Variants in INSR observed in about 807,000 individuals in gnomAD.
The protein encoded by INSR is insulin receptor.
A neutral mutation model predicts 142.6 loss-of-function variants in INSR; 67 were observed. That is an observed-to-expected ratio of 0.47 (90% confidence interval 0.39 to 0.58). The LOEUF (loss-of-function observed/expected upper bound fraction) is 0.58. INSR is among the 20% of genes least tolerant of loss of function. INSR has a pLI of 0.00. For missense variants in INSR, 1,248 were observed against 1,833.2 expected (o/e 0.68, Z 5.83); for synonymous variants, 756 against 743.1 (o/e 1.02, Z -0.28).
Position 7,168,334 on chromosome 19 carries a change from A to G in INSR, c.1484-240T>C, listed in dbSNP as rs1395533018. On this transcript the variant is annotated intron_variant, in intron 6 of 21. Coordinates refer to ENST00000302850, the MANE Select transcript of INSR (RefSeq NM_000208.4). This position sits in a 1 kb window ranked among gnomAD's most constrained non-coding sequence, Gnocchi z 4.3. ...TAAGCCAATGACTTGACTCAGCCAG[A>G]CAGTCAACTGAATAAGCGCAGTCTG... 6.6e-6 allele frequency among the ~76,000 whole-genome samples: 1 copy of G among 152,168 alleles called. No homozygotes were observed. The highest frequency in any genetic ancestry group is 2.4e-5 in the African/African-American group (1 of 41,456).
chr19:7,206,824 G>GT (rs1403586552), intron 2 of INSR, among the ~76,000 whole-genome samples: 3 of 152,118 alleles, frequency 2.0e-5, no homozygotes, highest in Non-Finnish European at 4.4e-5. Context: ...GTGACACGCT[G>GT]TTTTTCTAAA....
chr19:7,149,790 C>A (rs1323478365), intron 11 of INSR, among the ~76,000 whole-genome samples: 4 of 149,338 alleles, frequency 2.7e-5, no homozygotes, highest in Non-Finnish European at 5.9e-5. Context: ...CCACTGCACT[C>A]TAGCCTGGGC....
In INSR at chr19:7,159,705, G is replaced by A. The variant is rs1301440881; in HGVS notation, c.2029+3327C>T. The A allele has an allele frequency of 1.3e-5, 2 of 152,178 alleles. No individual in the cohort carries two copies. The highest frequency in any genetic ancestry group is 4.8e-5 in the African/African-American group (2 of 41,428). The allele number at this position is 152,178 out of a possible 1,614,324, so 9.4% of individuals were successfully genotyped here. A position where few individuals can be genotyped will look rare whatever the true frequency, so the allele number is the denominator to read the frequency against. ...ACGTTTGCAACCCTCGGCTCAGGCG[G>A]GGATGATGTCACACACATACATATA... On this transcript the variant is annotated intron_variant, in intron 9 of 21. Coordinates refer to ENST00000302850, the MANE Select transcript of INSR (RefSeq NM_000208.4). The surrounding 1 kb of genome is among the most constrained non-coding windows in gnomAD (Gnocchi z 4.3).
Position 7,267,241 on chromosome 19 carries a change from G to A in INSR, c.652+104C>T, listed in dbSNP as rs1440432989. 18 of 1,227,348 alleles carry A rather than the reference G, an allele frequency of 1.5e-5. No individual in the cohort carries two copies. Among genetic ancestry groups the A allele is most frequent in the Admixed American group, 3.6e-5 (2 of 55,722 alleles). The allele number at this position is 1,227,348 out of a possible 1,614,324, so 76.0% of individuals were successfully genotyped here. A position where few individuals can be genotyped will look rare whatever the true frequency, so the allele number is the denominator to read the frequency against. ...TGAATGCCACCACCCACTATTCCCC[G>A]GCCCCTACCTAATGACCATTTAACA... is the stretch of plus-strand genomic sequence containing the variant. On this transcript the variant is annotated intron_variant, in intron 2 of 21. Coordinates refer to ENST00000302850, the MANE Select transcript of INSR (RefSeq NM_000208.4). This position sits in a 1 kb window ranked among gnomAD's most constrained non-coding sequence, Gnocchi z 6.3.
intron 2 of INSR, among the ~76,000 whole-genome samples, chr19:7,227,838 ATGT>A (rs1975837944): frequency 6.6e-6 from 1 of 152,166 alleles, no homozygotes. Context: ...GAACACTGAT[ATGT>A]ATCCTCAATG....
At chr19:7,223,197 A>G (rs1975675369) in intron 2 of INSR, among the ~76,000 whole-genome samples, 1 of 151,780 alleles carries the variant, frequency 6.6e-6, no homozygotes, top group South Asian at 2.1e-4. Flanking sequence ...ACAAACAAAC[A>G]AAAAAAACCA....
chr19:7,235,459 A>G (rs982505096), intron 2 of INSR, among the ~76,000 whole-genome samples: 3 of 152,226 alleles, frequency 2.0e-5, no homozygotes, highest in East Asian at 1.9e-4. Context: ...GTCTGGCGCT[A>G]GAGCTTACGG....
intron 1 of INSR, among the ~76,000 whole-genome samples, chr19:7,268,812 C>T (rs1967819018): frequency 6.6e-6 from 1 of 152,098 alleles, no homozygotes. Flanking sequence ...TATCTTTTGG[C>T]TGGCGAAGTG....
chr19:7,119,565 A>G lies in INSR; in HGVS notation c.3678T>C (p.Leu1226=). 6.2e-7 allele frequency: 1 copy of G among 1,614,110 alleles called. No individual in the cohort carries two copies. Among genetic ancestry groups the G allele is most frequent in the Non-Finnish European group, 8.5e-7 (1 of 1,180,022 alleles). The change falls in exon 21 of 22, where the codon CTT becomes CTC. Residue 1226 remains leucine, a synonymous_variant. Transcript: ENST00000302850. The surrounding 1 kb of genome is among the most constrained non-coding windows in gnomAD (Gnocchi z 5.2). ...SSDMWSFGVV[L]WEITSLAEQP... ...GTTCTGCCAAGCTGGTGATTTCCCA[A>G]AGGACCACGCCAAAGGACCTGCCGA...
intron 2 of INSR, among the ~76,000 whole-genome samples, chr19:7,254,662 A>G (rs77756066): frequency 0.018 from 2,816 of 152,352 alleles, 45 homozygotes; most frequent in Non-Finnish European, 0.027. Flanking sequence ...GCACGGTTCT[A>G]TCTGACACAG....
chr19:7,207,901 A>AAAGGAAGGAAGGAAAGGAAGGAAGGAAGG (rs1975149705), intron 2 of INSR, among the ~76,000 whole-genome samples: 1 of 72,746 alleles, frequency 1.4e-5, no homozygotes, highest in Admixed American at 1.8e-4. Context: ...GGAAGGAAGG[A>AAAGGAAGGAAGGAAAGGAAGGAAGGAAGG]AAGGAAGGAA....
intron 15 of INSR, 84 bp from the exon 16 acceptor site, chr19:7,126,735 A>G: frequency 1.6e-6 from 2 of 1,222,230 alleles, no homozygotes; most frequent in Non-Finnish European, 2.4e-6. Context: ...TCCCCAAGGC[A>G]AATGGCAGCC....
At chr19:7,255,856 G>T (rs1976873513) in intron 2 of INSR, among the ~76,000 whole-genome samples, 1 of 152,000 alleles carries the variant, frequency 6.6e-6, no homozygotes, top group Non-Finnish European at 1.5e-5. Context: ...TGGGTTTACA[G>T]GTATGACCCA....
At position 7,120,763 on chromosome 19, in the gene INSR, AGGT is replaced by A; in HGVS notation, c.3530-17_3530-15del. On this transcript the variant is annotated splice_polypyrimidine_tract_variant and intron_variant, in intron 19 of 21. Transcript: ENST00000302850. ...TCATTCCAAAGTCTGACAACACAAA[AGGT>A]TCACACGCTCTTAACCTTCAGCCTT... 6.2e-7 allele frequency: 1 copy of A among 1,613,094 alleles called. No homozygotes were observed. Among genetic ancestry groups the A allele is most frequent in the Non-Finnish European group, 8.5e-7 (1 of 1,179,472 alleles).
chr19:7,128,728 A>G (rs1972705246), intron 15 of INSR, 124 bp downstream of exon 15: 1 of 697,012 alleles, frequency 1.4e-6, no homozygotes, highest in South Asian at 1.5e-5. Context: ...TGTAAATTGC[A>G]TGTTACACAT....
At chr19:7,266,997 C>T (rs1967753290) in intron 2 of INSR, among the ~76,000 whole-genome samples, 2 of 152,106 alleles carry the variant, frequency 1.3e-5, no homozygotes. Context: ...CAGGCGGTGG[C>T]AAACTGCTGC....
intron 8 of INSR, among the ~76,000 whole-genome samples, chr19:7,164,249 G>A (rs577881932): frequency 5.3e-5 from 8 of 152,062 alleles, no homozygotes; most frequent in Non-Finnish European, 1.0e-4. Context: ...TCTGGCTTCC[G>A]CCCACGAAAT....
At chr19:7,290,147 G>C (rs1411821485) in intron 1 of INSR, among the ~76,000 whole-genome samples, 1 of 152,194 alleles carries the variant, frequency 6.6e-6, no homozygotes, top group East Asian at 1.9e-4. Context: ...GCTCATGCCT[G>C]TGATCCCAGC....
intron 2 of INSR, among the ~76,000 whole-genome samples, chr19:7,201,250 CAATT>C (rs754713983): frequency 6.6e-6 from 1 of 152,014 alleles, no homozygotes; most frequent in Admixed American, 6.6e-5. Flanking sequence ...TAAAGAGAAA[CAATT>C]AAGCTAAATA....
Sources: gnomAD v4.1 joint callset for allele counts (sites outside exome capture counted in the v4.1 genomes callset) on GRCh38, gnomAD v4.1.1 for gene constraint, Gnocchi (gnomAD v3.1) non-coding constraint, MANE v1.5 for transcripts, NCBI Gene and HGNC (gene_info 2026-07-23, HGNC 2026-07-21) for gene names.